NIN: variants seen among roughly 807,000 people sequenced by gnomAD.
The protein encoded by NIN is ninein, also known as glycogen synthase kinase 3 beta-interacting protein.
NIN carries 137 observed loss-of-function variants against 257.6 expected under a neutral mutation model. The ratio of observed to expected loss-of-function variants is 0.53; its 90% CI spans 0.46 to 0.61. The LOEUF (loss-of-function observed/expected upper bound fraction) is 0.61. NIN is among the 20% of genes least tolerant of loss of function. NIN has a pLI of 0.00. For synonymous variants in NIN, 918 were observed against 919.8 expected (o/e 1.00, Z 0.04); for missense variants, 2,439 against 2,501.2 (o/e 0.98, Z 0.53).
intron 6 of NIN, among the ~76,000 whole-genome samples, 187 bp downstream of exon 6, chr14:50,778,578 C>A (rs1330667627): frequency 6.6e-6 from 1 of 152,208 alleles, no homozygotes. Flanking sequence ...TAGTTACCAT[C>A]TCTTGCATGA....
chr14:50,798,422 G>A (rs530025988), intron 4 of NIN, among the ~76,000 whole-genome samples: 72 of 152,294 alleles, frequency 4.7e-4, no homozygotes, highest in Middle Eastern at 3.4e-3. Context: ...ACCACCCCCC[G>A]AAGGTGCCTA....
At chr14:50,743,805 G>A (rs1446845060) in intron 23 of NIN, among the ~76,000 whole-genome samples, 3 of 151,946 alleles carry the variant, frequency 2.0e-5, no homozygotes, top group Admixed American at 1.3e-4. Flanking sequence ...TAAGCTGGAA[G>A]GCCATTAAAA....
chr14:50,756,570 T>G lies in NIN; in HGVS notation c.4460A>C (p.Lys1487Thr), dbSNP rs766637653. ...KQKDVLSHGE[K>T]EEELKAMMHD... Reference sequence around the variant, plus strand: ...CATCATTGCCTTCAGCTCTTCCTCCTTTTCTCCGTGAGAAAGTACATCTTT... The same window carrying G: ...CATCATTGCCTTCAGCTCTTCCTCCGTTTCTCCGTGAGAAAGTACATCTTT... Residue 1487 changes from lysine (K) to threonine (T), a missense_variant, in exon 18 of 31, where the codon AAG becomes ACG. Transcript: ENST00000530997. 2 of 1,612,350 alleles carry G rather than the reference T, an allele frequency of 1.2e-6. No homozygotes were observed. Among genetic ancestry groups the G allele is most frequent in the Non-Finnish European group, 1.7e-6 (2 of 1,179,280 alleles).
chr14:50,812,775 C>A (rs1021985683), intron 3 of NIN, among the ~76,000 whole-genome samples: 4 of 152,148 alleles, frequency 2.6e-5, no homozygotes, highest in African/African-American at 9.7e-5. Flanking sequence ...AGTAAATCAG[C>A]CTCATTTTAG....
In NIN at chr14:50,758,416, CTTCCGCACACTCCTGGGT is replaced by C; in HGVS notation, c.2596_2613del (p.Thr866_Glu871del). ...AGAGTCTCTTTCAGCAGCTCCTGGG[CTTCCGCACACTCCTGGGT>C]GAGCTCGTCCTTCTCAAATTCCCAC... On this transcript the variant is annotated inframe_deletion, in exon 18 of 31. Transcript: ENST00000530997. The C allele has an allele frequency of 6.2e-7, 1 of 1,613,982 alleles. No individual in the cohort carries two copies. Among genetic ancestry groups the C allele is most frequent in the Non-Finnish European group, 8.5e-7 (1 of 1,179,838 alleles).
At position 50,739,431 on chromosome 14, in the gene NIN, C is replaced by T. The variant is rs199554057; in HGVS notation, c.5505G>A (p.Arg1835=). The change falls in exon 26 of 31, where the codon AGG becomes AGA. Residue 1835 remains arginine, a synonymous_variant. Coordinates refer to ENST00000530997, the MANE Select transcript of NIN (RefSeq NM_020921.4). ...HPSGLHNQQK[R]LSWDKLDHLM... is the part of the protein sequence containing the mutation. The stretch of plus-strand genomic sequence containing the variant: ...GATGATCCAACTTGTCCCAGGACAG[C>T]CTTTTCTGCTGGTTATGGAGCCCTG... 9.3e-6 allele frequency: 15 copies of T among 1,614,096 alleles called. No homozygotes were observed. Among genetic ancestry groups the T allele is most frequent in the Non-Finnish European group, 1.3e-5 (15 of 1,180,042 alleles).
At chr14:50,826,900 C>T (rs1201693496) in intron 2 of NIN, among the ~76,000 whole-genome samples, 2 of 152,182 alleles carry the variant, frequency 1.3e-5, no homozygotes, top group African/African-American at 2.4e-5. Flanking sequence ...ATAATAGATG[C>T]TTTTGGACCT....
chr14:50,781,361 T>C (rs1187211014), intron 5 of NIN, among the ~76,000 whole-genome samples: 1 of 152,162 alleles, frequency 6.6e-6, no homozygotes, highest in Non-Finnish European at 1.5e-5. Flanking sequence ...AATATACAGC[T>C]GTAAAAATGC....
chr14:50,821,871 T>C lies in NIN; in HGVS notation c.183+3A>G. ...CATAGCCACGTTCTTCCCCAGACCT[T>C]ACCCTGCCCAAGAGGTTGTCCTGAA... On this transcript the variant is annotated splice_donor_region_variant and intron_variant, in intron 3 of 30. Coordinates refer to ENST00000530997, the MANE Select transcript of NIN (RefSeq NM_020921.4). 6.2e-7 allele frequency: 1 copy of C among 1,612,436 alleles called. No individual in the cohort carries two copies. Among genetic ancestry groups the C allele is most frequent in the Non-Finnish European group, 8.5e-7 (1 of 1,178,974 alleles).
chr14:50,821,668 C>A (rs1227041268), intron 3 of NIN, among the ~76,000 whole-genome samples: 2 of 152,152 alleles, frequency 1.3e-5, no homozygotes, highest in African/African-American at 4.8e-5. Context: ...TCACTGTACA[C>A]CATAATTCCA....
rs2041439217 is a variant in NIN, at chr14:50,744,370, A to G, written c.5065-5T>C. ...GAGATCGGGACATCTGTGCAGCTGTAAGAGATAAACAAATGAGCCCTCCCA... is the reference window on the plus strand; with the variant it reads ...GAGATCGGGACATCTGTGCAGCTGTGAGAGATAAACAAATGAGCCCTCCCA... On this transcript the variant is annotated splice_region_variant and splice_polypyrimidine_tract_variant and intron_variant, in intron 22 of 30. Coordinates refer to ENST00000530997, the MANE Select transcript of NIN (RefSeq NM_020921.4). The G allele has an allele frequency of 6.2e-7, 1 of 1,613,480 alleles. No individual in the cohort carries two copies.
At position 50,757,357 on chromosome 14, in the gene NIN, G is replaced by A. The variant is rs1566811528; in HGVS notation, c.3673C>T (p.Leu1225Phe). Residue 1225 changes from leucine (L) to phenylalanine (F), a missense_variant, in exon 18 of 31, where the codon CTT (leucine) becomes TTT (phenylalanine). Coordinates refer to ENST00000530997, the MANE Select transcript of NIN (RefSeq NM_020921.4). ...TTTTTTAGCACAGAAACATCAAAAA[G>A]TAGGTCCTGTTTCTTTTCAGAAGCT... ...DRASEKKQDL[L>F]FDVSVLKKKL... 6.2e-7 allele frequency: 1 copy of A among 1,613,816 alleles called. No individual in the cohort carries two copies. The highest frequency in any genetic ancestry group is 8.5e-7 in the Non-Finnish European group (1 of 1,179,972).
intron 4 of NIN, among the ~76,000 whole-genome samples, chr14:50,799,517 G>A (rs913845691): frequency 4.6e-5 from 7 of 152,290 alleles, no homozygotes; most frequent in Non-Finnish European, 7.3e-5. Flanking sequence ...TATCCAGTTC[G>A]TCACCTCAGA....
At chr14:50,772,547 A>G in intron 8 of NIN, 79 bp from the exon 9 acceptor site, 2 of 1,288,552 alleles carry the variant, frequency 1.6e-6, no homozygotes, top group Non-Finnish European at 2.2e-6. Context: ...CCTGACCACG[A>G]TGGGTAGAAG....
In NIN at chr14:50,736,705, C is replaced by T. The variant is rs187342256; in HGVS notation, c.5776-1088G>A. Among the ~76,000 whole-genome samples the T allele has an allele frequency of 1.3e-3, 197 of 152,290 alleles. 2 individuals carry two copies. Among genetic ancestry groups the T allele is most frequent in the Non-Finnish European group, 1.1e-3 (78 of 68,026 alleles). ...ACCCATTTTCTTTCTGCAAAGTTTA[C>T]TTGAATGTACCTGAAATTAAATGAC... On this transcript the variant is annotated intron_variant, in intron 27 of 30. Coordinates refer to ENST00000530997, the MANE Select transcript of NIN (RefSeq NM_020921.4).
At chr14:50,748,718 A>G (rs541364909) in intron 21 of NIN, among the ~76,000 whole-genome samples, 6 of 152,242 alleles carry the variant, frequency 3.9e-5, no homozygotes, top group African/African-American at 7.2e-5. Flanking sequence ...CAATTGCTAT[A>G]AAGAGAATAA....
intron 5 of NIN, among the ~76,000 whole-genome samples, chr14:50,781,488 G>C (rs1488037623): frequency 6.6e-6 from 1 of 152,228 alleles, no homozygotes; most frequent in Non-Finnish European, 1.5e-5. Context: ...CCAATATACT[G>C]TTTCCAACAT....
At chr14:50,728,199 C>A (rs927346233) in intron 29 of NIN, among the ~76,000 whole-genome samples, 2 of 152,052 alleles carry the variant, frequency 1.3e-5, no homozygotes, top group East Asian at 3.9e-4. Context: ...AGAATCTTGG[C>A]GGATCATTTG....
intron 2 of NIN, among the ~76,000 whole-genome samples, chr14:50,823,965 G>A (rs1435533118): frequency 6.6e-6 from 1 of 152,176 alleles, no homozygotes; most frequent in East Asian, 1.9e-4. Flanking sequence ...TTCACTTAGA[G>A]TCCACCAGTT....
Sources: allele counts gnomAD v4.1 joint callset (sites outside exome capture counted in the v4.1 genomes callset), GRCh38; gene constraint gnomAD v4.1.1; transcripts MANE v1.5; gene names NCBI Gene and HGNC (gene_info 2026-07-23, HGNC 2026-07-21).